Variants in SLC40A1 observed in about 807,000 individuals in gnomAD.
SLC40A1 encodes ferroportin.
Under a neutral mutation model 53.5 loss-of-function variants are expected in SLC40A1, and 16 were observed. The ratio of observed to expected loss-of-function variants is 0.30; its 90% confidence interval spans 0.20 to 0.45. The LOEUF is 0.45. SLC40A1 is among the 20% of genes least tolerant of loss of function. The pLI, the probability that SLC40A1 is intolerant of heterozygous loss-of-function variation, is 1.00. For missense variants in SLC40A1, 545 were observed against 695.4 expected (o/e 0.78, Z 2.43); for synonymous variants, 247 against 253.2 (o/e 0.98, Z 0.23).
chr2:189,563,511 A>G, intron 7 of SLC40A1, 73 bp downstream of exon 7: 1 of 1,392,746 alleles, frequency 7.2e-7, no homozygotes, highest in East Asian at 2.4e-5. Flanking sequence ...CAGATCATTT[A>G]TTAATGGATT....
chr2:189,580,316 G>A, intron 1 of SLC40A1, 102 bp downstream of exon 1: 3 of 1,178,106 alleles, frequency 2.5e-6, no homozygotes, highest in Admixed American at 3.4e-5. Flanking sequence ...ACAAAGCTAT[G>A]GTTCACAGCA....
Position 189,573,039 on chromosome 2 carries a change from C to G in SLC40A1, c.272-78G>C. 5.1e-6 allele frequency: 5 copies of G among 985,226 alleles called. No individual in the cohort carries two copies. The South Asian group carries it at 6.6e-5, about 13-fold the overall frequency. The allele number at this position is 985,226 out of a possible 1,614,324, so 61.0% of individuals were successfully genotyped here. A position where few individuals can be genotyped will look rare whatever the true frequency, so the allele number is the denominator to read the frequency against. ...CTGTTCTTATCCACACATAATTGTT[C>G]TACTATAATACATTAATACACAGAC... On this transcript the variant is annotated intron_variant, in intron 3 of 7. Transcript: ENST00000261024.
At chr2:189,572,564 G>T (rs1300257330) in intron 4 of SLC40A1, 3 of 498,764 alleles carry the variant, frequency 6.0e-6, no homozygotes, top group African/African-American at 5.8e-5. Context: ...CAAAGTATAG[G>T]TCACTAAAAA....
Position 189,563,867 on chromosome 2 carries a change from A to C in SLC40A1, c.1119T>G (p.Gly373=). The change falls in exon 7 of 8, where the codon GGT becomes GGG. Residue 373 remains glycine (G), a synonymous_variant. Transcript: ENST00000261024. ...LRRKCGLVRT[G]LISGLAQLSC... ...AAAGCTGTGCCAATCCTGAGATCAG[A>C]CCTGTCCGAACCAAACCACATTTTC... 6.2e-7 allele frequency: 1 copy of C among 1,614,222 alleles called. No homozygotes were observed. Among genetic ancestry groups the C allele is most frequent in the Non-Finnish European group, 8.5e-7 (1 of 1,180,042 alleles).
At chr2:189,563,459 G>GT in intron 7 of SLC40A1, 125 bp downstream of exon 7, 2 of 744,684 alleles carry the variant, frequency 2.7e-6, no homozygotes, top group Admixed American at 3.1e-5. Flanking sequence ...TAAAAATTTC[G>GT]TAAGAGTGGA....
intron 2 of SLC40A1, among the ~76,000 whole-genome samples, chr2:189,575,964 T>G (rs146491388): frequency 2.9e-4 from 44 of 152,326 alleles, no homozygotes; most frequent in Non-Finnish European, 4.6e-4. Flanking sequence ...AGAAATAAAC[T>G]TAAATGCCTA....
intron 3 of SLC40A1, among the ~76,000 whole-genome samples, 156 bp downstream of exon 3, chr2:189,575,005 A>G (rs897201269): frequency 3.3e-5 from 5 of 152,228 alleles, no homozygotes; most frequent in Non-Finnish European, 5.9e-5. Context: ...GGGACCCTCC[A>G]TCCAGAGGTG....
At chr2:189,567,477 T>G (rs2030974124) in intron 5 of SLC40A1, among the ~76,000 whole-genome samples, 1 of 152,182 alleles carries the variant, frequency 6.6e-6, no homozygotes, top group Admixed American at 6.5e-5. Flanking sequence ...CACAATTATG[T>G]GTCAGTATAA....
At chr2:189,567,032 A>T (rs989850933) in intron 5 of SLC40A1, among the ~76,000 whole-genome samples, 10 of 152,160 alleles carry the variant, frequency 6.6e-5, no homozygotes, top group African/African-American at 2.4e-4. Context: ...ACAAAACGAG[A>T]GGGGGCCAAC....
chr2:189,567,136 A>G (rs2030961418), intron 5 of SLC40A1, among the ~76,000 whole-genome samples: 1 of 152,206 alleles, frequency 6.6e-6, no homozygotes, highest in Admixed American at 6.5e-5. Flanking sequence ...GAGATCATGG[A>G]CAGTGAAAAG....
chr2:189,572,431 T>G, intron 4 of SLC40A1: 1 of 286,088 alleles, frequency 3.5e-6, no homozygotes, highest in Admixed American at 5.1e-5. Context: ...CAAGCTCTTA[T>G]GAAATCACAA....
In SLC40A1 at chr2:189,580,581, T is replaced by G. The variant is rs537658042; in HGVS notation, c.-121A>C. On this transcript the variant is annotated 5_prime_UTR_variant, in exon 1 of 8. Coordinates refer to ENST00000261024, the MANE Select transcript of SLC40A1 (RefSeq NM_014585.6). ...AGCACCTCTAAAAACACAACAGCCT[T>G]GGGCAAAAAGACTACAACGACGACT... 1 of 1,587,086 alleles carries G rather than the reference T, an allele frequency of 6.3e-7. No individual in the cohort carries two copies. The highest frequency in any genetic ancestry group is 1.1e-5 in the South Asian group (1 of 89,552).
Position 189,567,757 on chromosome 2 carries a change from GGA to G in SLC40A1, c.515-2160_515-2159del, listed in dbSNP as rs2030982115. Among the ~76,000 whole-genome samples the G allele has an allele frequency of 2.0e-5, 3 of 152,244 alleles. No homozygotes were observed. In the South Asian group the frequency reaches 6.2e-4, roughly 32 times the overall value. Reference sequence around the variant, plus strand: ...AGTATATATTGCATATATGATAACAGGAGAACTTTGACATATTTCACCTTTCA... The same window carrying G: ...AGTATATATTGCATATATGATAACAGGAACTTTGACATATTTCACCTTTCA... On this transcript the variant is annotated intron_variant, in intron 5 of 7. Transcript: ENST00000261024.
chr2:189,578,106 C>A, intron 2 of SLC40A1: 1 of 650,806 alleles, frequency 1.5e-6, no homozygotes, highest in African/African-American at 2.0e-5. Flanking sequence ...ACGGAAAATG[C>A]ATATATATAT....
In SLC40A1 at chr2:189,562,065, A is replaced by G. The variant is rs1181529582; in HGVS notation, c.1529T>C (p.Met510Thr). Residue 510 changes from methionine (M) to threonine (T), a missense_variant, in exon 8 of 8, where the codon ATG becomes ACG. Met to Thr is a moderately conservative substitution (Grantham distance 81). Around this residue, in one of 4 missense-constraint regions of SLC40A1, gnomAD observed 234 missense variants for 299.0 expected, o/e 0.78. Transcript: ENST00000261024. ...NYLLDLLHFI[M>T]VILAPNPEAF... ...TTCAGGATTTGGAGCCAGGATGACC[A>G]TGATGAAATGCAGAAGATCAAGAAG... is the stretch of plus-strand genomic sequence containing the variant. 6.2e-7 allele frequency: 1 copy of G among 1,614,068 alleles called. No individual in the cohort carries two copies. Among genetic ancestry groups the G allele is most frequent in the Non-Finnish European group, 8.5e-7 (1 of 1,180,000 alleles).
chr2:189,578,529 T>C (rs2031363887), intron 2 of SLC40A1: 1 of 201,378 alleles, frequency 5.0e-6, no homozygotes, highest in South Asian at 1.8e-4. Flanking sequence ...GGCATCTTCT[T>C]CCTCTAAGAG....
At chr2:189,564,833 C>T (rs1412844163) in intron 6 of SLC40A1, among the ~76,000 whole-genome samples, 1 of 152,136 alleles carries the variant, frequency 6.6e-6, no homozygotes, top group African/African-American at 2.4e-5. Context: ...GAGCGAGACT[C>T]TGTCTCAAAA....
rs771349234 is a variant in SLC40A1, at chr2:189,561,662, T to C, written c.*216A>G. ...TTATAGTCTCCGTATTTAAACTGAG[T>C]TTTTCTTTTCCAATTTTTTTTCCAT... On this transcript the variant is annotated 3_prime_UTR_variant, in exon 8 of 8. Coordinates refer to ENST00000261024, the MANE Select transcript of SLC40A1 (RefSeq NM_014585.6). 2 of 553,462 alleles carry C rather than the reference T, an allele frequency of 3.6e-6. No homozygotes were observed. Among genetic ancestry groups the C allele is most frequent in the Non-Finnish European group, 3.2e-6 (1 of 310,064 alleles). 34.3% of individuals were successfully genotyped at this position (553,462 alleles called of 1,614,324 possible).
Position 189,573,104 on chromosome 2 carries a change from A to G in SLC40A1, c.272-143T>C, listed in dbSNP as rs953602513. The G allele has an allele frequency of 7.0e-6, 5 of 717,376 alleles. No homozygotes were observed. In the South Asian group the frequency reaches 7.6e-5, roughly 11 times the overall value. The allele number at this position is 717,376 out of a possible 1,614,324, so 44.4% of individuals were successfully genotyped here. A position where few individuals can be genotyped will look rare whatever the true frequency, so the allele number is the denominator to read the frequency against. On this transcript the variant is annotated intron_variant, in intron 3 of 7. Coordinates refer to ENST00000261024, the MANE Select transcript of SLC40A1 (RefSeq NM_014585.6). ...ATAAAAAGAAAACCTTTCTGAAGTC[A>G]GTCCTGCCTCAACTACTCTCAATAC...
Sources: gnomAD v4.1 joint callset for allele counts (sites outside exome capture counted in the v4.1 genomes callset) on GRCh38, gnomAD v4.1.1 for gene constraint, gnomAD v4.1.1 regional missense constraint, MANE v1.5 for transcripts, NCBI Gene and HGNC (gene_info 2026-07-23, HGNC 2026-07-21) for gene names.